CHLSN: variants seen among roughly 807,000 people sequenced by gnomAD.
CHLSN encodes protein cholesin.
the CHLSN span, among the ~76,000 whole-genome samples, chr7:1,095,354 C>G: frequency 6.6e-6 from 1 of 151,482 alleles, no homozygotes; most frequent in African/African-American, 2.4e-5. Context: ...ACCCCCCTCC[C>G]CGACACCCGG....
chr7:1,017,633 A>G, the CHLSN span, among the ~76,000 whole-genome samples: 1 of 141,482 alleles, frequency 7.1e-6, no homozygotes, highest in Non-Finnish European at 1.5e-5. Context: ...GAAACAAGAC[A>G]CGGACTCAAT....
At chr7:1,113,157 G>A in the CHLSN span, among the ~76,000 whole-genome samples, 12 of 151,704 alleles carry the variant, frequency 7.9e-5, no homozygotes, top group Admixed American at 6.5e-4. Flanking sequence ...AGCTCTGTGC[G>A]AGGCATCCAC....
chr7:1,138,100 G>A, the CHLSN span: 1 of 150,438 alleles, frequency 6.6e-6, no homozygotes, highest in Non-Finnish European at 1.5e-5. Flanking sequence ...ACGTGGAGGG[G>A]GCGGAGCCCC....
the CHLSN span, among the ~76,000 whole-genome samples, chr7:1,040,183 T>TAAAAAAAAAAAAA: frequency 1.3e-5 from 1 of 74,530 alleles, no homozygotes; most frequent in African/African-American, 4.5e-5. Flanking sequence ...AAAATAAATT[T>TAAAAAAAAAAAAA]AAAAAAAAAA....
At chr7:1,082,538 G>C in the CHLSN span, among the ~76,000 whole-genome samples, 6 of 152,226 alleles carry the variant, frequency 3.9e-5, no homozygotes, top group African/African-American at 1.4e-4. Context: ...CTCACAGGAG[G>C]AGGGGCCAGC....
the CHLSN span, among the ~76,000 whole-genome samples, chr7:1,101,204 G>A: frequency 1.3e-5 from 2 of 152,396 alleles, no homozygotes; most frequent in South Asian, 2.1e-4. Context: ...CAGCTGCTGC[G>A]GTTGGTCTGT....
the CHLSN span, among the ~76,000 whole-genome samples, chr7:1,098,498 G>T: frequency 4.1e-4 from 62 of 152,370 alleles, no homozygotes; most frequent in African/African-American, 1.4e-3. Context: ...AAATGCCACA[G>T]TCAGGAAGAT....
the CHLSN span, chr7:1,021,387 C>A: frequency 1.0e-6 from 1 of 985,454 alleles, no homozygotes; most frequent in Non-Finnish European, 1.2e-6. Flanking sequence ...TTGCGGATTT[C>A]AGTGACTGAA....
chr7:1,094,840 G>A, the CHLSN span, among the ~76,000 whole-genome samples: 8,671 of 152,190 alleles, frequency 0.057, 354 homozygotes, highest in African/African-American at 0.11. Context: ...CCCCAGCACC[G>A]TGGTGCTGGG....
chr7:1,120,704 C>A, the CHLSN span, among the ~76,000 whole-genome samples: 8 of 152,236 alleles, frequency 5.3e-5, no homozygotes, highest in Non-Finnish European at 1.2e-4. Flanking sequence ...ACATTCATAA[C>A]AGCCCCAAGC....
At chr7:1,062,778 C>T in the CHLSN span, among the ~76,000 whole-genome samples, 63 of 152,256 alleles carry the variant, frequency 4.1e-4, no homozygotes, top group African/African-American at 1.3e-3. Context: ...AGCTGTATGG[C>T]GGTGCGCACG....
the CHLSN span, among the ~76,000 whole-genome samples, chr7:1,086,139 G>A: frequency 6.6e-6 from 1 of 152,252 alleles, no homozygotes; most frequent in Admixed American, 6.5e-5. Context: ...GGAAACCCAG[G>A]GCACGTGAGT....
the CHLSN span, chr7:1,092,252 G>T: frequency 6.2e-7 from 1 of 1,612,332 alleles, no homozygotes; most frequent in Non-Finnish European, 8.5e-7. Context: ...CACCACGCCC[G>T]GCTGAGCTGT....
the CHLSN span, among the ~76,000 whole-genome samples, chr7:1,062,815 G>C: frequency 6.6e-6 from 1 of 152,198 alleles, no homozygotes; most frequent in African/African-American, 2.4e-5. Flanking sequence ...GTTGGGAAGT[G>C]AAGGAAGAGC....
the CHLSN span, among the ~76,000 whole-genome samples, chr7:1,037,831 A>G: frequency 4.1e-5 from 2 of 49,048 alleles, no homozygotes; most frequent in East Asian, 9.7e-4. Context: ...CATCACATCT[A>G]GGAAGTGAGG....
the CHLSN span, among the ~76,000 whole-genome samples, chr7:1,113,180 G>A: frequency 6.6e-6 from 1 of 152,012 alleles, no homozygotes; most frequent in Non-Finnish European, 1.5e-5. Flanking sequence ...CGATGTCCTG[G>A]GGAAGCCAGG....
the CHLSN span, among the ~76,000 whole-genome samples, chr7:1,075,395 G>A: frequency 6.6e-6 from 1 of 151,594 alleles, no homozygotes. Flanking sequence ...TTACAGGCAG[G>A]CGCCTGTAAT....
the CHLSN span, among the ~76,000 whole-genome samples, chr7:1,063,370 C>G: frequency 1.3e-5 from 2 of 152,360 alleles, no homozygotes; most frequent in South Asian, 4.1e-4. Flanking sequence ...CTTCCTCACT[C>G]TGTGACTGAT....
chr7:989,431 T>TGGGGCGG, the CHLSN span: 1 of 148,502 alleles, frequency 6.7e-6, no homozygotes. Context: ...GAGGCTTCCT[T>TGGGGCGG]GGGGCGGGGG....
Sources: allele counts gnomAD v4.1 joint callset (sites outside exome capture counted in the v4.1 genomes callset), GRCh38; gene constraint gnomAD v4.1.1; transcripts MANE v1.5; gene names NCBI Gene and HGNC (gene_info 2026-07-23, HGNC 2026-07-21).